SCD5: variants seen among roughly 807,000 people sequenced by gnomAD.
The protein encoded by SCD5 is acyl-CoA-desaturase 4.
Under a neutral mutation model 30.4 loss-of-function variants are expected in SCD5, and 20 were observed. The observed-to-expected ratio is 0.66, with a 90% confidence interval of 0.46 to 0.96. SCD5 has a LOEUF of 0.96. Among genes scored for constraint, SCD5 ranks in the 40% least tolerant of loss-of-function variants. The pLI is 0.00. For missense variants in SCD5, 381 were observed against 443.3 expected, an observed-to-expected ratio of 0.86 and a Z score of 1.26; for synonymous variants, 173 against 176.4, an observed-to-expected ratio of 0.98 and a Z score of 0.16.
chr4:82,729,061 C>T (rs1413078236), intron 1 of SCD5, among the ~76,000 whole-genome samples: 2 of 152,190 alleles, frequency 1.3e-5, no homozygotes, highest in African/African-American at 4.8e-5. Flanking sequence ...GGAGAAAGAA[C>T]AGAAGTTCTG....
intron 1 of SCD5, among the ~76,000 whole-genome samples, chr4:82,773,130 G>A (rs1980360): frequency 0.47 from 71,364 of 151,948 alleles, 20,584 homozygotes; most frequent in Admixed American, 0.66. Context: ...TGCCAGCTTC[G>A]AGGGGTACAA....
intron 1 of SCD5, among the ~76,000 whole-genome samples, chr4:82,720,891 C>T (rs1720355436): frequency 6.6e-6 from 1 of 152,192 alleles, no homozygotes; most frequent in South Asian, 2.1e-4. Context: ...GTCACTCATG[C>T]CTGTAATCCC....
intron 3 of SCD5, among the ~76,000 whole-genome samples, chr4:82,672,361 G>A (rs1728344599): frequency 6.6e-6 from 1 of 151,900 alleles, no homozygotes; most frequent in Admixed American, 6.6e-5. Context: ...AGTCAAAGAG[G>A]GGACACCCCT....
intron 1 of SCD5, among the ~76,000 whole-genome samples, chr4:82,713,841 G>A (rs546159227): frequency 2.6e-5 from 4 of 152,062 alleles, no homozygotes; most frequent in East Asian, 1.9e-4. Flanking sequence ...TACCTGCTCC[G>A]ATCACCTCAC....
At chr4:82,691,409 G>A (rs1420715780) in intron 2 of SCD5, among the ~76,000 whole-genome samples, 1 of 152,172 alleles carries the variant, frequency 6.6e-6, no homozygotes, top group East Asian at 1.9e-4. Flanking sequence ...AATTGTCTCA[G>A]GTAGAGGGAA....
chr4:82,780,954 A>C (rs545391544), intron 1 of SCD5, among the ~76,000 whole-genome samples: 1 of 152,182 alleles, frequency 6.6e-6, no homozygotes, highest in African/African-American at 2.4e-5. Context: ...AGACACCAAC[A>C]GTTAGAGGTG....
intron 3 of SCD5, among the ~76,000 whole-genome samples, chr4:82,659,571 C>A (rs1727940638): frequency 6.6e-6 from 1 of 152,098 alleles, no homozygotes; most frequent in African/African-American, 2.4e-5. Context: ...GTTATTTCTG[C>A]CTTAATTTCG....
At position 82,639,983 on chromosome 4, in the gene SCD5, GCTTGC is replaced by G. The variant is rs1307376200; in HGVS notation, c.570-3165_570-3161del. ...GCCCTGGGCACTTCTCTCTCTGAAT[GCTTGC>G]AGCAGCTTTGGGGTAGACACCCTCG... On this transcript the variant is annotated intron_variant, in intron 3 of 4. Transcript: ENST00000319540. Among the ~76,000 whole-genome samples, 4 of 152,190 alleles carry G rather than the reference GCTTGC, an allele frequency of 2.6e-5. No individual in the cohort carries two copies. The East Asian group carries it at 7.7e-4, about 29-fold the overall frequency.
intron 1 of SCD5, among the ~76,000 whole-genome samples, chr4:82,743,767 C>A (rs552143376): frequency 4.6e-5 from 7 of 151,978 alleles, no homozygotes; most frequent in Admixed American, 4.6e-4. Flanking sequence ...AGCAATCCCC[C>A]CCGCCTTGGT....
chr4:82,795,809 CAAAAAAAAAAAAAAAA>C (rs72115040), intron 1 of SCD5, among the ~76,000 whole-genome samples: 3 of 43,902 alleles, frequency 6.8e-5, no homozygotes, highest in Non-Finnish European at 1.2e-4. Context: ...CCCTGTCTCA[CAAAAAAAAAAAAAAAA>C]AAAAAAAAAA....
chr4:82,747,024 G>A (rs1010774392), intron 1 of SCD5, among the ~76,000 whole-genome samples: 20 of 141,740 alleles, frequency 1.4e-4, no homozygotes, highest in African/African-American at 5.5e-4. Flanking sequence ...CAGGCACCAA[G>A]GGGAGTTCGG....
intron 3 of SCD5, among the ~76,000 whole-genome samples, chr4:82,651,838 A>C (rs1179058624): frequency 6.6e-6 from 1 of 152,146 alleles, no homozygotes; most frequent in Non-Finnish European, 1.5e-5. Flanking sequence ...GCTTGAACCT[A>C]GGAGGCGGAG....
intron 4 of SCD5, among the ~76,000 whole-genome samples, chr4:82,633,647 A>G (rs930629425): frequency 6.6e-5 from 10 of 152,240 alleles, no homozygotes; most frequent in Non-Finnish European, 1.3e-4. Flanking sequence ...AACACTTGTT[A>G]TCTTTTATCC....
chr4:82,786,803 A>AC (rs1009337249), intron 1 of SCD5, among the ~76,000 whole-genome samples: 11 of 151,670 alleles, frequency 7.3e-5, no homozygotes, highest in Non-Finnish European at 1.0e-4. Context: ...AAAAAAAAAA[A>AC]AAAAAAAACA....
At chr4:82,786,993 C>A (rs76772484) in intron 1 of SCD5, among the ~76,000 whole-genome samples, 1 of 152,082 alleles carries the variant, frequency 6.6e-6, no homozygotes, top group African/African-American at 2.4e-5. Flanking sequence ...CCGTCCACTC[C>A]GGCCAAAAGC....
intron 3 of SCD5, among the ~76,000 whole-genome samples, chr4:82,654,704 A>G (rs768421543): frequency 6.6e-6 from 1 of 152,170 alleles, no homozygotes; most frequent in Non-Finnish European, 1.5e-5. Flanking sequence ...GGTGGCTCCC[A>G]GTGGCACTCT....
At chr4:82,686,010 C>CTT (rs1169222476) in intron 2 of SCD5, among the ~76,000 whole-genome samples, 4 of 144,820 alleles carry the variant, frequency 2.8e-5, no homozygotes, top group Admixed American at 6.9e-5. Flanking sequence ...GGCTTATGCA[C>CTT]TTTTTTTTTT....
At chr4:82,766,936 C>T (rs1721506438) in intron 1 of SCD5, among the ~76,000 whole-genome samples, 1 of 152,082 alleles carries the variant, frequency 6.6e-6, no homozygotes, top group African/African-American at 2.4e-5. Flanking sequence ...CCTCGACCTC[C>T]CAAAGTGCTG....
At chr4:82,679,287 G>GGAAGGAAGGAAGGAAGGAAAGAAA (rs1560531782) in intron 3 of SCD5, among the ~76,000 whole-genome samples, 4 of 126,324 alleles carry the variant, frequency 3.2e-5, no homozygotes, top group African/African-American at 1.2e-4. Context: ...AAAGAAGGAA[G>GGAAGGAAGGAAGGAAGGAAAGAAA]GAAAGAAAGA....
Sources: allele counts gnomAD v4.1 joint callset (sites outside exome capture counted in the v4.1 genomes callset), GRCh38; gene constraint gnomAD v4.1.1; transcripts MANE v1.5; gene names NCBI Gene and HGNC (gene_info 2026-07-23, HGNC 2026-07-21).